The following SYT2 variants were observed in gnomAD, a reference collection of about 807,000 sequenced individuals.
SYT2 encodes synaptotagmin 2.
In SYT2, 15 loss-of-function variants were observed where a neutral mutation model predicts 39.9. That is an observed-to-expected ratio of 0.38 (90% CI 0.25 to 0.58). The LOEUF is 0.58. Among genes scored for constraint, SYT2 ranks in the 20% least tolerant of loss-of-function variants. The pLI is 0.70. For synonymous variants in SYT2, 181 were observed against 204.5 expected, an observed-to-expected ratio of 0.89 and a Z score of 0.98; for missense variants, 389 against 530.3, an observed-to-expected ratio of 0.73 and a Z score of 2.62.
intron 1 of SYT2, among the ~76,000 whole-genome samples, chr1:202,709,576 T>C (rs1297137248): frequency 6.6e-6 from 1 of 152,190 alleles, no homozygotes; most frequent in African/African-American, 2.4e-5. Flanking sequence ...GCCTAGCCCT[T>C]GGGGACAGAG....
intron 1 of SYT2, among the ~76,000 whole-genome samples, chr1:202,640,962 A>G (rs1458607020): frequency 6.6e-6 from 1 of 152,122 alleles, no homozygotes; most frequent in Admixed American, 6.6e-5. Context: ...CGCAGCTTGT[A>G]TTATTATTAT....
At chr1:202,644,267 C>A (rs1692025902) in intron 1 of SYT2, among the ~76,000 whole-genome samples, 1 of 151,496 alleles carries the variant, frequency 6.6e-6, no homozygotes, top group Non-Finnish European at 1.5e-5. Flanking sequence ...GGACCCCTTG[C>A]CTGCTCCCAG....
intron 4 of SYT2, 30 bp from the exon 5 acceptor site, chr1:202,602,575 G>C: frequency 1.3e-6 from 2 of 1,597,486 alleles, no homozygotes; most frequent in Non-Finnish European, 1.7e-6. Context: ...GAAGGGGCCT[G>C]AGTCTCAGGA....
chr1:202,633,837 G>C (rs1450059880), intron 1 of SYT2, among the ~76,000 whole-genome samples: 6 of 152,196 alleles, frequency 3.9e-5, no homozygotes, highest in Non-Finnish European at 7.3e-5. Context: ...GGCTCAAAGG[G>C]ACACAAATTC....
chr1:202,667,671 A>G (rs1358320167), intron 1 of SYT2, among the ~76,000 whole-genome samples: 2 of 152,164 alleles, frequency 1.3e-5, no homozygotes, highest in Admixed American at 1.3e-4. Context: ...CTGAGCCCAC[A>G]GTAGGCTTCT....
At position 202,598,519 on chromosome 1, in the gene SYT2, C is replaced by T. The variant is rs145289549; in HGVS notation, c.1053+699G>A. The stretch of plus-strand genomic sequence containing the variant: ...CTCTTGTACCCTTGCCCCCAGCCCT[C>T]CTGCGGGGAGGAGAGGGGGTGGGAT... On this transcript the variant is annotated intron_variant, in intron 8 of 8. Transcript: ENST00000367268. 7.0e-4 allele frequency among the ~76,000 whole-genome samples: 107 copies of T among 152,250 alleles called. No homozygotes were observed. In the South Asian group the frequency reaches 0.011, roughly 16 times the overall value.
rs1357578242 is a variant in SYT2, at chr1:202,623,684, A to T, written c.-17-17895T>A. On this transcript the variant is annotated intron_variant, in intron 1 of 8. Coordinates refer to ENST00000367268, the MANE Select transcript of SYT2 (RefSeq NM_177402.5). This position sits in a 1 kb window ranked among gnomAD's most constrained non-coding sequence, Gnocchi z 4.2. ...GGGGGGTGCACCCGTGGGCCCCAGGAGGTCTGTTGTGCGCATGCTCTGAGT... is the reference window on the plus strand; with the variant it reads ...GGGGGGTGCACCCGTGGGCCCCAGGTGGTCTGTTGTGCGCATGCTCTGAGT... Among the ~76,000 whole-genome samples, 1 of 152,128 alleles carries T rather than the reference A, an allele frequency of 6.6e-6. No homozygotes were observed. Among genetic ancestry groups the T allele is most frequent in the African/African-American group, 2.4e-5 (1 of 41,412 alleles).
At chr1:202,701,789 G>A (rs1654129164) in intron 1 of SYT2, among the ~76,000 whole-genome samples, 2 of 152,150 alleles carry the variant, frequency 1.3e-5, no homozygotes, top group Non-Finnish European at 2.9e-5. Context: ...GGGACCCGTG[G>A]CCCCCATCTT....
intron 1 of SYT2, among the ~76,000 whole-genome samples, chr1:202,695,821 C>T (rs576988939): frequency 2.5e-4 from 38 of 152,306 alleles, no homozygotes; most frequent in African/African-American, 8.9e-4. Flanking sequence ...CTTTCTGAAA[C>T]ATTTATATGA....
rs1438712717 is a variant in SYT2 at position 202,687,483 on chromosome 1, G to T, written c.-18+22775C>A. ...CCCGCAGAACCTAGCTCTGGGTGGG[G>T]TGTGTGATCGACCTTCAGCTGAGCG... is the stretch of plus-strand genomic sequence containing the variant. On this transcript the variant is annotated intron_variant, in intron 1 of 8. Coordinates refer to ENST00000367268, the MANE Select transcript of SYT2 (RefSeq NM_177402.5). Among the ~76,000 whole-genome samples the T allele has an allele frequency of 2.6e-5, 4 of 152,234 alleles. No individual in the cohort carries two copies. The East Asian group carries it at 7.7e-4, about 29-fold the overall frequency.
chr1:202,669,954 GTGA>G (rs1692558061), intron 1 of SYT2, among the ~76,000 whole-genome samples: 1 of 152,116 alleles, frequency 6.6e-6, no homozygotes, highest in Admixed American at 6.6e-5. Context: ...AGCAGAGGGC[GTGA>G]TGAATACAAA....
intron 1 of SYT2, among the ~76,000 whole-genome samples, chr1:202,652,996 C>G (rs188059048): frequency 2.7e-5 from 4 of 147,326 alleles, no homozygotes; most frequent in African/African-American, 1.0e-4. Flanking sequence ...CCTAACCTAG[C>G]CTTGCCTGCA....
At chr1:202,608,166 G>A (rs1690769084) in intron 1 of SYT2, among the ~76,000 whole-genome samples, 1 of 152,020 alleles carries the variant, frequency 6.6e-6, no homozygotes, top group Non-Finnish European at 1.5e-5. Flanking sequence ...TGTGGTCTTT[G>A]TGACTGGCTT....
At chr1:202,688,880 G>A (rs1225340395) in intron 1 of SYT2, among the ~76,000 whole-genome samples, 2 of 152,144 alleles carry the variant, frequency 1.3e-5, no homozygotes, top group Non-Finnish European at 2.9e-5. Flanking sequence ...ACCCAGCCTC[G>A]GATGGTGACG....
chr1:202,598,794 G>A (rs1245263997), intron 8 of SYT2, among the ~76,000 whole-genome samples: 1 of 152,228 alleles, frequency 6.6e-6, no homozygotes, highest in Admixed American at 6.5e-5. Flanking sequence ...AGAGGAAGCA[G>A]ATCAGAGGAG....
intron 1 of SYT2, among the ~76,000 whole-genome samples, chr1:202,661,549 G>A (rs1367415956): frequency 1.3e-5 from 2 of 152,264 alleles, no homozygotes; most frequent in African/African-American, 4.8e-5. Flanking sequence ...TTCCCTCGTG[G>A]TTGCCCTATG....
At chr1:202,611,247 G>T (rs1366367754) in intron 1 of SYT2, among the ~76,000 whole-genome samples, 1 of 152,160 alleles carries the variant, frequency 6.6e-6, no homozygotes, top group African/African-American at 2.4e-5. Flanking sequence ...TTATTGAGTT[G>T]TAAGAATTTT....
chr1:202,672,920 C>T (rs1692621815), intron 1 of SYT2, among the ~76,000 whole-genome samples: 1 of 151,288 alleles, frequency 6.6e-6, no homozygotes, highest in African/African-American at 2.4e-5. Context: ...CATGTCTAGA[C>T]ATATCACAGG....
chr1:202,605,786 A>G lies in SYT2; in HGVS notation c.-14T>C. 1 of 1,612,800 alleles carries G rather than the reference A, an allele frequency of 6.2e-7. No individual in the cohort carries two copies. Among genetic ancestry groups the G allele is most frequent in the South Asian group, 1.1e-5 (1 of 91,026 alleles). Reference sequence around the variant, plus strand: ...AATGTTCCTCATGGTGGCAGAGGAAACAGCTGGGGACGAGAGGTGAAGAGG... The same window carrying G: ...AATGTTCCTCATGGTGGCAGAGGAAGCAGCTGGGGACGAGAGGTGAAGAGG... On this transcript the variant is annotated 5_prime_UTR_variant, in exon 2 of 9. Coordinates refer to ENST00000367268, the MANE Select transcript of SYT2 (RefSeq NM_177402.5).
Sources: allele counts gnomAD v4.1 joint callset (sites outside exome capture counted in the v4.1 genomes callset), GRCh38; gene constraint gnomAD v4.1.1; non-coding constraint Gnocchi (gnomAD v3.1); transcripts MANE v1.5; gene names NCBI Gene and HGNC (gene_info 2026-07-23, HGNC 2026-07-21).